Variants in NDP observed in about 807,000 individuals in gnomAD.
NDP encodes the protein norrin cystine knot growth factor NDP.
Under a neutral mutation model 8.4 loss-of-function variants are expected in NDP, and 2 were observed. That is an observed-to-expected ratio of 0.24 (90% CI 0.10 to 0.75). The LOEUF is 0.75. Among genes scored for constraint, NDP ranks in the 30% least tolerant of loss-of-function variants. The pLI is 0.73. For synonymous variants in NDP, 55 were observed against 45.6 expected (o/e 1.21, Z -0.83); for missense variants, 81 against 110.1 (o/e 0.74, Z 1.18).
rs200013146 is a variant in NDP, at chrX:43,950,277, AG to A, written c.175-252del. Among the ~76,000 whole-genome samples, 2,842 of 110,198 alleles carry A rather than the reference AG, an allele frequency of 0.026. 100 individuals carry two copies. The highest frequency in any genetic ancestry group is 0.088 in the African/African-American group (2,646 of 30,129). The stretch of plus-strand genomic sequence containing the variant: ...TCTTAGGTGATTTCTAAGTGTACTG[AG>A]GGTTTAGAACCACTGAATGACGCCC... On this transcript the variant is annotated intron_variant, in intron 2 of 2. Transcript: ENST00000642620.
chrX:43,950,771 C>T (rs993948270), intron 2 of NDP, among the ~76,000 whole-genome samples: 2 of 111,978 alleles, frequency 1.8e-5, no homozygotes, highest in African/African-American at 3.2e-5. Flanking sequence ...GCTGGAATAA[C>T]GGAGGCTATG....
chrX:43,961,555 T>C (rs2035826415), intron 1 of NDP, among the ~76,000 whole-genome samples: 1 of 111,865 alleles, frequency 8.9e-6, no homozygotes, highest in African/African-American at 3.2e-5. Context: ...CCCAAGAAAC[T>C]AACAAAATTA....
At chrX:43,965,761 A>T (rs547491050) in intron 1 of NDP, among the ~76,000 whole-genome samples, 8 of 111,958 alleles carry the variant, frequency 7.1e-5, no homozygotes, top group African/African-American at 2.6e-4. Context: ...AGAAAGATTG[A>T]TTAGAAAAGT....
chrX:43,966,596 A>G (rs1205334663), intron 1 of NDP: 1 of 111,353 alleles, frequency 9.0e-6, no homozygotes, highest in Non-Finnish European at 1.9e-5. Flanking sequence ...ATGAATGTAC[A>G]TTCTCCCTGT....
rs994093569 is a variant in NDP, at chrX:43,957,062, C to T, written c.174+1410G>A. The stretch of plus-strand genomic sequence containing the variant: ...ACTTTCTTTGAAATAATTTTAATTC[C>T]TTTTTTTAAAAAAGAATCACGATTA... On this transcript the variant is annotated intron_variant, in intron 2 of 2. Coordinates refer to ENST00000642620, the MANE Select transcript of NDP (RefSeq NM_000266.4). Among the ~76,000 whole-genome samples, 7 of 111,577 alleles carry T rather than the reference C, an allele frequency of 6.3e-5. No individual in the cohort carries two copies. In the South Asian group the frequency reaches 1.5e-3, roughly 24 times the overall value.
At position 43,958,480 on chromosome X, in the gene NDP, T is replaced by C. The variant is rs765862414; in HGVS notation, c.166A>G (p.Ser56Gly). 8.3e-7 allele frequency: 1 copy of C among 1,211,721 alleles called. No individual in the cohort carries two copies. The highest frequency in any genetic ancestry group is 1.1e-6 in the Non-Finnish European group (1 of 895,176). Residue 56 changes from serine to glycine, a missense_variant, in exon 2 of 3, where the codon AGC (serine) becomes GGC (glycine). By Grantham distance (56) the Ser-to-Gly change is moderately conservative. Coordinates refer to ENST00000642620, the MANE Select transcript of NDP (RefSeq NM_000266.4). ...AGAGACCTTGGTCTTACCTTTGAGC[T>C]ACACTTGTACAATGGGTGACTGATA... ...DSISHPLYKC[S>G]SKMVLLARCE...
At chrX:43,963,740 G>A (rs1237733350) in intron 1 of NDP, among the ~76,000 whole-genome samples, 1 of 112,605 alleles carries the variant, frequency 8.9e-6, no homozygotes, top group African/African-American at 3.2e-5. Context: ...ATTGGATCTA[G>A]TCAACTAGAT....
At chrX:43,967,448 A>G (rs1259627133) in intron 1 of NDP, among the ~76,000 whole-genome samples, 2 of 110,500 alleles carry the variant, frequency 1.8e-5, no homozygotes, top group Non-Finnish European at 3.8e-5. Context: ...GTGTACCTCC[A>G]TTTTACTTCG....
intron 1 of NDP, among the ~76,000 whole-genome samples, chrX:43,969,819 C>T (rs753891488): frequency 4.5e-5 from 5 of 111,116 alleles, no homozygotes; most frequent in East Asian, 5.7e-4. Flanking sequence ...GGAGCTCAGG[C>T]GAAGGGAAAA....
At chrX:43,965,558 G>T (rs1320998701) in intron 1 of NDP, among the ~76,000 whole-genome samples, 1 of 111,882 alleles carries the variant, frequency 8.9e-6, no homozygotes, top group African/African-American at 3.2e-5. Context: ...AAGCATAAAC[G>T]GGGAGAGAAG....
chrX:43,956,119 G>T (rs1483419318), intron 2 of NDP, among the ~76,000 whole-genome samples: 1 of 111,557 alleles, frequency 9.0e-6, no homozygotes, highest in Non-Finnish European at 1.9e-5. Context: ...GAATAATAAT[G>T]CCTGCCATCA....
chrX:43,963,292 C>T (rs1297055447), intron 1 of NDP, among the ~76,000 whole-genome samples: 1 of 111,826 alleles, frequency 8.9e-6, no homozygotes, highest in Non-Finnish European at 1.9e-5. Context: ...CTCGATCCCT[C>T]TTCTAGCTCA....
chrX:43,958,915 A>G, intron 1 of NDP, 63 bp from the exon 2 acceptor site: 1 of 351,719 alleles, frequency 2.8e-6, no homozygotes, highest in South Asian at 3.8e-5. Flanking sequence ...AATGGAACCC[A>G]GGAGGTATTA....
chrX:43,958,702 T>G lies in NDP; in HGVS notation c.-57A>C. On this transcript the variant is annotated 5_prime_UTR_variant, in exon 2 of 3. Coordinates refer to ENST00000642620, the MANE Select transcript of NDP (RefSeq NM_000266.4). ...GCAGAGGGAGGCAGAGGACAAAAAA[T>G]TGGAAATGGCTTCACCTCCTAGGAT... 9.3e-7 allele frequency: 1 copy of G among 1,071,812 alleles called. No homozygotes were observed. The highest frequency in any genetic ancestry group is 1.3e-6 in the Non-Finnish European group (1 of 772,108). The allele number at this position is 1,071,812 out of a possible 1,213,427, so 88.3% of individuals were successfully genotyped here.
chrX:43,966,321 G>T (rs1289730787), intron 1 of NDP, among the ~76,000 whole-genome samples: 1 of 111,561 alleles, frequency 9.0e-6, no homozygotes, highest in South Asian at 3.8e-4. Flanking sequence ...GAGAGAGCAG[G>T]TCATGGGAGA....
intron 1 of NDP, among the ~76,000 whole-genome samples, chrX:43,966,193 A>T (rs987683636): frequency 8.9e-6 from 1 of 111,911 alleles, no homozygotes; most frequent in Non-Finnish European, 1.9e-5. Context: ...TGTGACTGAG[A>T]TGGGGATGAG....
chrX:43,967,104 G>T (rs962343237), intron 1 of NDP, among the ~76,000 whole-genome samples: 2 of 111,144 alleles, frequency 1.8e-5, no homozygotes. Context: ...AACTTGTTGG[G>T]GTGGTGGTTT....
intron 2 of NDP, among the ~76,000 whole-genome samples, chrX:43,951,228 C>T (rs2035759377): frequency 9.2e-6 from 1 of 108,907 alleles, no homozygotes; most frequent in Admixed American, 9.9e-5. Context: ...GCCTGGGCAA[C>T]ATAGCATGAC....
chrX:43,964,040 A>G (rs1297312408), intron 1 of NDP, among the ~76,000 whole-genome samples: 2 of 111,873 alleles, frequency 1.8e-5, no homozygotes, highest in African/African-American at 3.2e-5. Context: ...CATCTCAGAG[A>G]TAGGCACATT....
Sources: allele counts gnomAD v4.1 joint callset (sites outside exome capture counted in the v4.1 genomes callset), GRCh38; gene constraint gnomAD v4.1.1; transcripts MANE v1.5; gene names NCBI Gene and HGNC (gene_info 2026-07-23, HGNC 2026-07-21).